Variants in NME9 observed in about 807,000 individuals in gnomAD.
NME9 encodes the protein thioredoxin domain-containing protein 6.
In NME9, 48 loss-of-function variants were observed where a neutral mutation model predicts 44.4. The observed-to-expected ratio is 1.08, with a 90% CI of 0.86 to 1.37. The LOEUF is 1.37. Ranked by LOEUF, NME9 falls within the 40% of genes most tolerant of loss-of-function variation. NME9 has a pLI of 0.00. For missense variants in NME9, 325 were observed against 405.2 expected (o/e 0.80, Z 1.70); for synonymous variants, 139 against 147.1 (o/e 0.94, Z 0.40).
chr3:138,321,117 A>G (rs755115795), intron 2 of NME9, among the ~76,000 whole-genome samples: 11 of 152,178 alleles, frequency 7.2e-5, no homozygotes, highest in African/African-American at 1.2e-4. Context: ...TCATTATTGC[A>G]CTATACAGAT....
intron 9 of NME9, 76 bp downstream of exon 9, chr3:138,304,797 T>C (rs1445151965): frequency 7.0e-7 from 1 of 1,428,304 alleles, no homozygotes; most frequent in East Asian, 2.3e-5. Flanking sequence ...GATTCTAGGC[T>C]GAACACTGAG....
At chr3:138,291,426 G>C (rs544580056) in intron 8 of NME9, among the ~76,000 whole-genome samples, 1 of 152,186 alleles carries the variant, frequency 6.6e-6, no homozygotes, top group Non-Finnish European at 1.5e-5. Context: ...CCTCTCCTCT[G>C]AGTCCCCATT....
chr3:138,295,195 G>C (rs887219549), intron 8 of NME9, among the ~76,000 whole-genome samples: 1 of 152,042 alleles, frequency 6.6e-6, no homozygotes, highest in Non-Finnish European at 1.5e-5. Context: ...CACAGCACCC[G>C]GCCTACATTC....
intron 8 of NME9, chr3:138,262,612 A>G: frequency 6.4e-7 from 1 of 1,558,986 alleles, no homozygotes; most frequent in African/African-American, 1.4e-5. Context: ...AAAAAAAAAA[A>G]ATTTAGGTGC....
chr3:138,304,227 C>G (rs749206809), intron 9 of NME9, among the ~76,000 whole-genome samples: 2 of 152,160 alleles, frequency 1.3e-5, no homozygotes, highest in African/African-American at 4.8e-5. Flanking sequence ...GCCCAGCCTG[C>G]CTCATATATA....
chr3:138,315,489 T>C, intron 5 of NME9, 38 bp downstream of exon 5: 2 of 1,407,766 alleles, frequency 1.4e-6, no homozygotes, highest in African/African-American at 1.4e-5. Context: ...ACTAGCGCAC[T>C]TGTGAGTTAG....
downstream of NME9, among the ~76,000 whole-genome samples, chr3:138,299,810 C>G (rs2051748001): frequency 6.6e-6 from 1 of 152,352 alleles, no homozygotes. Context: ...TCCCCTCTCT[C>G]CCCTGCTTTG....
chr3:138,269,821 T>TC (rs1245210323), intron 8 of NME9, among the ~76,000 whole-genome samples: 1 of 27,618 alleles, frequency 3.6e-5, no homozygotes, highest in African/African-American at 1.8e-4. Flanking sequence ...GTTTTCTTTC[T>TC]TTTTTTTTTT....
Position 138,329,689 on chromosome 3 carries a change from C to A in NME9, c.-354G>T. On this transcript the variant is annotated 5_prime_UTR_variant, in exon 1 of 11. Transcript: ENST00000333911. Reference sequence around the variant, plus strand: ...TGCAGCCTGTCGGGCACAGGGTCGCCAGTCGAGGAATTCTGACAAAAAAAC... The same window carrying A: ...TGCAGCCTGTCGGGCACAGGGTCGCAAGTCGAGGAATTCTGACAAAAAAAC... 8.6e-7 allele frequency: 1 copy of A among 1,160,098 alleles called. No individual in the cohort carries two copies. Among genetic ancestry groups the A allele is most frequent in the Non-Finnish European group, 1.1e-6 (1 of 939,708 alleles). The allele number at this position is 1,160,098 out of a possible 1,614,324, so 71.9% of individuals were successfully genotyped here.
chr3:138,306,023 T>C lies in NME9; in HGVS notation c.617A>G (p.Tyr206Cys), dbSNP rs1250129212. 1 of 1,612,746 alleles carries C rather than the reference T, an allele frequency of 6.2e-7. No individual in the cohort carries two copies. Among genetic ancestry groups the C allele is most frequent in the Admixed American group, 1.7e-5 (1 of 60,026 alleles). Residue 206 changes from tyrosine (Y) to cysteine (C), a missense_variant, in exon 8 of 11, where the codon TAC (tyrosine) becomes TGC (cysteine). Tyr to Cys is a radical substitution (Grantham distance 194). Coordinates refer to ENST00000333911, the MANE Select transcript of NME9 (RefSeq NM_001349018.2). ...GCTGACCTCTCCAGCTTTGTGTTGG[T>C]AGAAAAGTCGCACTTCTGCCTCTGT... The part of the protein sequence containing the change: ...TMTEAEVRLF[Y>C]QHKAGEEAFE...
exon 9 of NME9, chr3:138,262,337 A>G: frequency 5.0e-6 from 3 of 603,780 alleles, no homozygotes; most frequent in Non-Finnish European, 8.6e-6. Flanking sequence ...ATCAATATGT[A>G]AATGTTTTGG....
rs146905051 is a variant in NME9, at chr3:138,306,016, G to C, written c.624C>G (p.His208Gln). The C allele has an allele frequency of 1.2e-6, 2 of 1,610,664 alleles. No homozygotes were observed. The highest frequency in any genetic ancestry group is 2.2e-5 in the South Asian group (2 of 91,012). ...TEAEVRLFYQHKAGEEAFEKL... is the reference protein window; with the variant it reads ...TEAEVRLFYQQKAGEEAFEKL... ...TAGATGAGCTGACCTCTCCAGCTTT[G>C]TGTTGGTAGAAAAGTCGCACTTCTG... The change falls in exon 8 of 11, where the codon CAC (histidine) becomes CAG (glutamine). Residue 208 changes from histidine (H) to glutamine (Q), a missense_variant. Transcript: ENST00000333911.
intron 8 of NME9, among the ~76,000 whole-genome samples, chr3:138,266,005 T>C (rs113568120): frequency 6.6e-6 from 1 of 151,936 alleles, no homozygotes; most frequent in Non-Finnish European, 1.5e-5. Context: ...ACACCAAGAG[T>C]TTTCTATTTT....
intron 8 of NME9, among the ~76,000 whole-genome samples, chr3:138,265,960 A>C (rs1215591351): frequency 6.6e-6 from 1 of 152,190 alleles, no homozygotes; most frequent in African/African-American, 2.4e-5. Context: ...TGATAGATTG[A>C]GTGTATGATT....
At chr3:138,327,264 T>A (rs1430664777) in intron 1 of NME9, 1 of 152,076 alleles carries the variant, frequency 6.6e-6, no homozygotes, top group Non-Finnish European at 1.5e-5. Flanking sequence ...CTTCTTGATG[T>A]CTTAAATGAA....
At chr3:138,314,592 A>G (rs759687621) in intron 5 of NME9, among the ~76,000 whole-genome samples, 185 bp from the exon 6 acceptor site, 1 of 152,248 alleles carries the variant, frequency 6.6e-6, no homozygotes, top group Non-Finnish European at 1.5e-5. Flanking sequence ...TGGGACTGAC[A>G]GAATTAGAAT....
At chr3:138,317,852 G>C (rs536428370) in intron 4 of NME9, among the ~76,000 whole-genome samples, 2 of 152,216 alleles carry the variant, frequency 1.3e-5, no homozygotes, top group Admixed American at 1.3e-4. Flanking sequence ...CCCCAGCACA[G>C]TGACCACTAG....
chr3:138,303,529 G>A lies in NME9; in HGVS notation c.906C>T (p.Asp302=). The A allele has an allele frequency of 6.2e-7, 1 of 1,613,520 alleles. No homozygotes were observed. The highest frequency in any genetic ancestry group is 1.3e-5 in the African/African-American group (1 of 75,040). Residue 302 remains aspartate, a synonymous_variant, in exon 10 of 11, where the codon GAC becomes GAT. Coordinates refer to ENST00000333911, the MANE Select transcript of NME9 (RefSeq NM_001349018.2). ...TACCCTGAGGGGCTTCTGTATCTTTGTCTGAAAATTTCAAACTGGGGAAGA... is the reference window on the plus strand; with the variant it reads ...TACCCTGAGGGGCTTCTGTATCTTTATCTGAAAATTTCAAACTGGGGAAGA... The part of the protein sequence containing the change: ...ALLFPSLKFS[D]KDTEAPQGGE...
chr3:138,269,820 CTTTTT>C (rs77095833), intron 8 of NME9, among the ~76,000 whole-genome samples: 1 of 121,692 alleles, frequency 8.2e-6, no homozygotes, highest in Non-Finnish European at 1.7e-5. Context: ...TGTTTTCTTT[CTTTTT>C]TTTTTTTTTT....
Sources: gnomAD v4.1 joint callset for allele counts (sites outside exome capture counted in the v4.1 genomes callset) on GRCh38, gnomAD v4.1.1 for gene constraint, MANE v1.5 for transcripts, NCBI Gene and HGNC (gene_info 2026-07-23, HGNC 2026-07-21) for gene names.